Variants in MGA observed in about 807,000 individuals in gnomAD.
MGA encodes MAX dimerization protein MGA.
A neutral mutation model predicts 261.1 loss-of-function variants in MGA; 40 were observed. That is an observed-to-expected ratio of 0.15 (90% CI 0.12 to 0.20). The LOEUF (loss-of-function observed/expected upper bound fraction) is 0.20, where lower values mean the gene tolerates loss of function less well. Among genes scored for constraint, MGA ranks in the 10% least tolerant of loss-of-function variants. MGA has a pLI of 1.00. For synonymous variants in MGA, 1,302 were observed against 1,290.6 expected (o/e 1.01, Z -0.19); for missense variants, 3,397 against 3,630.5 (o/e 0.94, Z 1.65).
chr15:41,681,813 A>G (rs2058694714), intron 2 of MGA, among the ~76,000 whole-genome samples: 1 of 152,140 alleles, frequency 6.6e-6, no homozygotes, highest in African/African-American at 2.4e-5. Flanking sequence ...ATGTCATGCT[A>G]TGAGTTAATT....
intron 1 of MGA, among the ~76,000 whole-genome samples, chr15:41,644,644 ACT>A (rs1399333186): frequency 1.3e-5 from 2 of 151,880 alleles, no homozygotes; most frequent in African/African-American, 4.8e-5. Flanking sequence ...GCCTGGGTGG[ACT>A]CTGTCTCAAA....
intron 1 of MGA, among the ~76,000 whole-genome samples, chr15:41,636,974 A>G (rs1322086373): frequency 1.3e-5 from 2 of 151,918 alleles, no homozygotes; most frequent in Non-Finnish European, 2.9e-5. Flanking sequence ...GTAAAGGGAG[A>G]TGATCATGAT....
chr15:41,694,683 C>T (rs1478616402), intron 2 of MGA, among the ~76,000 whole-genome samples: 3 of 151,962 alleles, frequency 2.0e-5, no homozygotes, highest in Non-Finnish European at 2.9e-5. Flanking sequence ...CCCGCCACCA[C>T]GCCCAGCTGA....
chr15:41,676,815 G>A (rs1180203778), intron 2 of MGA, among the ~76,000 whole-genome samples: 1 of 152,024 alleles, frequency 6.6e-6, no homozygotes, highest in Non-Finnish European at 1.5e-5. Context: ...TATTCTAAAA[G>A]GTTATAACCA....
chr15:41,730,059 AT>A (rs1384237360), intron 11 of MGA, among the ~76,000 whole-genome samples: 25 of 152,018 alleles, frequency 1.6e-4, no homozygotes, highest in African/African-American at 6.0e-4. Context: ...CGTCTGGCTA[AT>A]TTTTTGTATT....
intron 15 of MGA, among the ~76,000 whole-genome samples, chr15:41,746,567 AG>A (rs1276522518): frequency 2.7e-5 from 4 of 150,130 alleles, no homozygotes; most frequent in Admixed American, 6.6e-5. Flanking sequence ...AAAAAAAAAA[AG>A]GTAGATGAAT....
chr15:41,760,227 G>T, intron 19 of MGA, 96 bp from the exon 20 acceptor site: 1 of 1,160,568 alleles, frequency 8.6e-7, no homozygotes, highest in Non-Finnish European at 1.3e-6. Flanking sequence ...CAGACAAAAG[G>T]TAATGAGTGC....
intron 12 of MGA, among the ~76,000 whole-genome samples, chr15:41,735,480 G>C (rs570092763): frequency 6.6e-6 from 1 of 152,352 alleles, no homozygotes; most frequent in East Asian, 1.9e-4. Context: ...GCTCACGCCT[G>C]TAATCCCAGC....
intron 2 of MGA, among the ~76,000 whole-genome samples, chr15:41,695,355 A>C (rs2059503850): frequency 6.6e-6 from 1 of 151,966 alleles, no homozygotes; most frequent in South Asian, 2.1e-4. Context: ...CGCTGAGCTA[A>C]TTTTTGTATT....
At chr15:41,641,303 CT>C in intron 1 of MGA, among the ~76,000 whole-genome samples, 1 of 151,972 alleles carries the variant, frequency 6.6e-6, no homozygotes, top group South Asian at 2.1e-4. Flanking sequence ...CATTAATGGA[CT>C]TTTTTTGTAT....
intron 1 of MGA, among the ~76,000 whole-genome samples, chr15:41,634,576 C>T (rs533024437): frequency 6.6e-6 from 1 of 152,264 alleles, no homozygotes; most frequent in African/African-American, 2.4e-5. Context: ...ATGTTGTTTC[C>T]TCAGGAGACA....
At chr15:41,691,001 T>G (rs1007038873) in intron 2 of MGA, among the ~76,000 whole-genome samples, 26 of 151,170 alleles carry the variant, frequency 1.7e-4, no homozygotes, top group African/African-American at 2.4e-4. Context: ...TTTGTTTTTT[T>G]TTTTTTTTTT....
intron 13 of MGA, among the ~76,000 whole-genome samples, chr15:41,738,452 A>G (rs991315859): frequency 6.6e-6 from 1 of 152,182 alleles, no homozygotes; most frequent in East Asian, 1.9e-4. Context: ...TTATTATTGC[A>G]GTTTACTGTT....
Position 41,736,680 on chromosome 15 carries a change from T to C in MGA, c.4416T>C (p.Ser1472=). 1 of 1,611,134 alleles carries C rather than the reference T, an allele frequency of 6.2e-7. No homozygotes were observed. ...CCTATAAACGTAAACCCAGTTCAAG[T>C]ACATCTGGGCTTATCCAGGTGAGAA... is the stretch of plus-strand genomic sequence containing the variant. The change falls in exon 13 of 24, where the codon AGT becomes AGC. Residue 1472 remains serine, a synonymous_variant. Transcript: ENST00000219905.
At chr15:41,743,588 TG>T (rs1262663405) in intron 15 of MGA, among the ~76,000 whole-genome samples, 3 of 152,142 alleles carry the variant, frequency 2.0e-5, no homozygotes, top group African/African-American at 7.2e-5. Flanking sequence ...AACATGGGCA[TG>T]GGAGGAAACA....
chr15:41,648,487 G>C (rs1262474484), intron 1 of MGA, among the ~76,000 whole-genome samples: 2 of 152,308 alleles, frequency 1.3e-5, no homozygotes, highest in East Asian at 3.9e-4. Context: ...TACTATGAGG[G>C]AATAGAACAG....
chr15:41,655,046 G>C (rs1354238974), intron 1 of MGA, among the ~76,000 whole-genome samples: 1 of 152,034 alleles, frequency 6.6e-6, no homozygotes, highest in Non-Finnish European at 1.5e-5. Context: ...GTATCTGTGG[G>C]GGATTGGTTC....
At chr15:41,716,498 A>G (rs2060644262) in intron 9 of MGA, among the ~76,000 whole-genome samples, 1 of 152,106 alleles carries the variant, frequency 6.6e-6, no homozygotes, top group Non-Finnish European at 1.5e-5. Flanking sequence ...TTTGTTAACA[A>G]CTGATATGTA....
chr15:41,716,507 T>A (rs908332691), intron 9 of MGA, among the ~76,000 whole-genome samples: 1 of 151,842 alleles, frequency 6.6e-6, no homozygotes, highest in African/African-American at 2.4e-5. Context: ...AACTGATATG[T>A]AAAAGGAGTA....
Sources: gnomAD v4.1 joint callset for allele counts (sites outside exome capture counted in the v4.1 genomes callset) on GRCh38, gnomAD v4.1.1 for gene constraint, MANE v1.5 for transcripts, NCBI Gene and HGNC (gene_info 2026-07-23, HGNC 2026-07-21) for gene names.